RABGAP1L: variants seen among roughly 807,000 people sequenced by gnomAD.
RABGAP1L encodes the protein rab GTPase-activating protein 1-like.
In RABGAP1L, 63 loss-of-function variants were observed where a neutral mutation model predicts 137.7. That is an observed-to-expected ratio of 0.46 (90% CI 0.37 to 0.56). The LOEUF (loss-of-function observed/expected upper bound fraction) is 0.56, where lower values mean the gene tolerates loss of function less well. Among genes scored for constraint, RABGAP1L ranks in the 20% least tolerant of loss-of-function variants. The pLI, the probability that RABGAP1L is intolerant of heterozygous loss-of-function variation, is 0.00. For synonymous variants in RABGAP1L, 431 were observed against 433.7 expected (o/e 0.99, Z 0.08); for missense variants, 1,095 against 1,244.0 (o/e 0.88, Z 1.80).
intron 19 of RABGAP1L, among the ~76,000 whole-genome samples, chr1:174,896,258 T>C (rs1438514736): frequency 6.6e-6 from 1 of 152,254 alleles, no homozygotes; most frequent in Non-Finnish European, 1.5e-5. Flanking sequence ...GAAGTGTCTG[T>C]TCATATCCTT....
Position 174,463,225 on chromosome 1 carries a change from C to T in RABGAP1L, c.1710+69080C>T, listed in dbSNP as rs545963312. The stretch of plus-strand genomic sequence containing the variant: ...GACACGTGCACACGTATGTTTATTG[C>T]GGCACTATTCACAATAGCAAAGACT... On this transcript the variant is annotated intron_variant, in intron 13 of 25. Coordinates refer to ENST00000681986, the MANE Select transcript of RABGAP1L (RefSeq NM_001366446.1). Among the ~76,000 whole-genome samples, 599 of 152,006 alleles carry T rather than the reference C, an allele frequency of 3.9e-3. 4 individuals are homozygous for T. The highest frequency in any genetic ancestry group is 0.012 in the African/African-American group (513 of 41,412).
intron 19 of RABGAP1L, among the ~76,000 whole-genome samples, chr1:174,869,521 T>G (rs1651848042): frequency 6.6e-6 from 1 of 152,230 alleles, no homozygotes; most frequent in South Asian, 2.1e-4. Flanking sequence ...CATGTAGAAC[T>G]GTGAGTCAAT....
At chr1:174,359,705 A>T (rs892035988) in intron 11 of RABGAP1L, among the ~76,000 whole-genome samples, 1 of 152,226 alleles carries the variant, frequency 6.6e-6, no homozygotes, top group African/African-American at 2.4e-5. Context: ...TTGACTCTGG[A>T]TTCAAACACA....
At chr1:174,374,975 A>G (rs1414317623) in intron 12 of RABGAP1L, among the ~76,000 whole-genome samples, 3 of 152,122 alleles carry the variant, frequency 2.0e-5, no homozygotes, top group African/African-American at 7.2e-5. Flanking sequence ...ATTTAAGAGA[A>G]TATGTACAAA....
intron 19 of RABGAP1L, among the ~76,000 whole-genome samples, chr1:174,918,253 A>G (rs1447255183): frequency 1.3e-5 from 2 of 152,110 alleles, no homozygotes; most frequent in Non-Finnish European, 2.9e-5. Context: ...AAATTGAAGG[A>G]GTTTATTATA....
At chr1:174,888,846 G>C (rs541020824) in intron 19 of RABGAP1L, among the ~76,000 whole-genome samples, 9 of 152,126 alleles carry the variant, frequency 5.9e-5, no homozygotes, top group African/African-American at 2.2e-4. Flanking sequence ...TTGTGCCTGG[G>C]GGAATTATAC....
chr1:174,367,438 C>T (rs1684743594), intron 11 of RABGAP1L: 1 of 206,630 alleles, frequency 4.8e-6, no homozygotes, highest in South Asian at 9.0e-5. Flanking sequence ...GCAGTTGTTC[C>T]GTGTTCAACT....
intron 19 of RABGAP1L, among the ~76,000 whole-genome samples, chr1:174,903,721 C>T (rs374801410): frequency 1.3e-5 from 2 of 152,024 alleles, no homozygotes; most frequent in Non-Finnish European, 1.5e-5. Flanking sequence ...GAGGCTGAGG[C>T]GGGTGGATCA....
At chr1:174,622,575 A>C (rs1292993026) in intron 13 of RABGAP1L, among the ~76,000 whole-genome samples, 1 of 152,304 alleles carries the variant, frequency 6.6e-6, no homozygotes, top group African/African-American at 2.4e-5. Context: ...GAAGTTGGAA[A>C]CCATCATTCT....
At chr1:174,640,950 A>G (rs1333283376) in intron 14 of RABGAP1L, among the ~76,000 whole-genome samples, 1 of 143,668 alleles carries the variant, frequency 7.0e-6, no homozygotes, top group African/African-American at 2.6e-5. Flanking sequence ...TAAATATAAT[A>G]TAATATATTA....
At chr1:174,512,801 A>G (rs1371172584) in intron 13 of RABGAP1L, among the ~76,000 whole-genome samples, 1 of 152,192 alleles carries the variant, frequency 6.6e-6, no homozygotes, top group Non-Finnish European at 1.5e-5. Context: ...CTGGAGCCCA[A>G]AATGCTGAAG....
chr1:174,731,412 T>G (rs967936879), intron 17 of RABGAP1L, among the ~76,000 whole-genome samples: 2 of 152,242 alleles, frequency 1.3e-5, no homozygotes, highest in Admixed American at 1.3e-4. Flanking sequence ...GTTTAAGATT[T>G]CTAGAAAAGG....
Position 174,231,155 on chromosome 1 carries a change from A to G in RABGAP1L, c.342A>G (p.Thr114=), listed in dbSNP as rs1670619028. Residue 114 remains threonine (T), a synonymous_variant, in exon 4 of 26, where the codon ACA becomes ACG. Transcript: ENST00000681986. The part of the protein sequence containing the change: ...ILDPSNTEIS[T]PRPSSPGGLP... ...TTTTTGTTTCTTCAGAAATTTCTAC[A>G]CCCAGACCATCTTCTCCAGGTGGAC... The G allele has an allele frequency of 6.8e-6, 11 of 1,609,610 alleles. No individual in the cohort carries two copies. The highest frequency in any genetic ancestry group is 1.7e-5 in the Admixed American group (1 of 59,934).
intron 13 of RABGAP1L, among the ~76,000 whole-genome samples, chr1:174,519,011 CATT>C (rs2147837216): frequency 6.6e-6 from 1 of 151,938 alleles, no homozygotes; most frequent in South Asian, 2.1e-4. Context: ...ATTTTTTCAT[CATT>C]GCTGTTTATG....
rs192508430 is a variant in RABGAP1L, at chr1:174,725,927, T to C, written c.2169+23671T>C. On this transcript the variant is annotated intron_variant, in intron 17 of 25. Transcript: ENST00000681986. ...CACCAACATGGCACATGTATACATA[T>C]GTAACAAACCTGCACATTGTGCGCA... is the stretch of plus-strand genomic sequence containing the variant. 2.8e-3 allele frequency among the ~76,000 whole-genome samples: 428 copies of C among 152,178 alleles called. 1 individual carries two copies. Among genetic ancestry groups the C allele is most frequent in the African/African-American group, 9.8e-3 (408 of 41,514 alleles).
chr1:174,681,233 ATGAAAATC>A (rs1160263827), intron 14 of RABGAP1L, among the ~76,000 whole-genome samples: 1 of 152,230 alleles, frequency 6.6e-6, no homozygotes, highest in Non-Finnish European at 1.5e-5. Flanking sequence ...TTCAAGGAAA[ATGAAAATC>A]TGTATCCACA....
At chr1:174,366,085 C>G (rs1272705247) in intron 11 of RABGAP1L, among the ~76,000 whole-genome samples, 1 of 152,096 alleles carries the variant, frequency 6.6e-6, no homozygotes, top group Admixed American at 6.5e-5. Context: ...TTAGCAAACT[C>G]TAAAGCTTAT....
chr1:174,519,295 G>T (rs1663157319), intron 13 of RABGAP1L, among the ~76,000 whole-genome samples: 1 of 151,662 alleles, frequency 6.6e-6, no homozygotes, highest in African/African-American at 2.4e-5. Context: ...CCCACAACAG[G>T]CTGTCTGCAA....
At chr1:174,885,449 C>T (rs927905703) in intron 19 of RABGAP1L, among the ~76,000 whole-genome samples, 11 of 152,076 alleles carry the variant, frequency 7.2e-5, no homozygotes, top group African/African-American at 2.7e-4. Context: ...CCTCAACCTC[C>T]TAGGATCAGG....
Sources: allele counts gnomAD v4.1 joint callset (sites outside exome capture counted in the v4.1 genomes callset), GRCh38; gene constraint gnomAD v4.1.1; transcripts MANE v1.5; gene names NCBI Gene and HGNC (gene_info 2026-07-23, HGNC 2026-07-21).